SAMD5: variants seen among roughly 807,000 people sequenced by gnomAD.
The protein encoded by SAMD5 is sterile alpha motif domain-containing protein 5.
A neutral mutation model predicts 11.3 loss-of-function variants in SAMD5; 13 were observed. The ratio of observed to expected loss-of-function variants is 1.15; its 90% CI spans 0.75 to 1.83. The LOEUF (loss-of-function observed/expected upper bound fraction) is 1.83, where lower values mean the gene tolerates loss of function less well. SAMD5 is among the 40% of genes most tolerant of loss of function. SAMD5 has a pLI of 0.00. For synonymous variants in SAMD5, 129 were observed against 111.3 expected, an observed-to-expected ratio of 1.16 and a Z score of -1.00; for missense variants, 255 against 239.1, an observed-to-expected ratio of 1.07 and a Z score of -0.44.
chr6:147,916,684 C>T, the SAMD5 span, among the ~76,000 whole-genome samples: 1 of 151,056 alleles, frequency 6.6e-6, no homozygotes, highest in Non-Finnish European at 1.5e-5. Context: ...TTAGGTATAT[C>T]TCCTAAAGCT....
At chr6:147,797,561 A>G in the SAMD5 span, among the ~76,000 whole-genome samples, 1 of 96,194 alleles carries the variant, frequency 1.0e-5, no homozygotes, top group Non-Finnish European at 1.9e-5. Flanking sequence ...CGGCTTTGGT[A>G]TCAGAATGAT....
At chr6:147,914,813 T>A in the SAMD5 span, among the ~76,000 whole-genome samples, 2 of 152,080 alleles carry the variant, frequency 1.3e-5, no homozygotes, top group African/African-American at 4.8e-5. Flanking sequence ...AGATGTAATA[T>A]CATAAGAAAG....
chr6:147,847,613 G>A, the SAMD5 span, among the ~76,000 whole-genome samples: 1 of 152,152 alleles, frequency 6.6e-6, no homozygotes, highest in African/African-American at 2.4e-5. Flanking sequence ...AGCACTTTGG[G>A]AGGCTGAGGT....
chr6:147,832,401 G>A, the SAMD5 span, among the ~76,000 whole-genome samples: 1 of 152,066 alleles, frequency 6.6e-6, no homozygotes, highest in Non-Finnish European at 1.5e-5. Flanking sequence ...CTTTTTATGT[G>A]TACTTAACTC....
intron 1 of SAMD5, among the ~76,000 whole-genome samples, chr6:147,555,355 T>A (rs1788838724): frequency 6.6e-6 from 1 of 152,196 alleles, no homozygotes. Flanking sequence ...TATTTAGACT[T>A]GGGTATTTGG....
intron 1 of SAMD5, among the ~76,000 whole-genome samples, chr6:147,669,502 A>G (rs1327490440): frequency 7.4e-6 from 1 of 135,162 alleles, no homozygotes; most frequent in Non-Finnish European, 1.5e-5. Context: ...GTCTCGGCTC[A>G]CTGCAACCTC....
the SAMD5 span, among the ~76,000 whole-genome samples, chr6:147,782,264 A>G: frequency 2.5e-3 from 376 of 152,338 alleles, 1 homozygote; most frequent in African/African-American, 8.6e-3. Context: ...CACTTAGAGA[A>G]TATGACAAAG....
At chr6:147,791,463 A>G in the SAMD5 span, among the ~76,000 whole-genome samples, 1 of 152,136 alleles carries the variant, frequency 6.6e-6, no homozygotes, top group East Asian at 1.9e-4. Flanking sequence ...TACTGACCAT[A>G]GTGATATACG....
chr6:147,802,011 A>G, the SAMD5 span, among the ~76,000 whole-genome samples: 1 of 152,190 alleles, frequency 6.6e-6, no homozygotes, highest in Admixed American at 6.5e-5. Flanking sequence ...ACATGCAGAG[A>G]TTTCCTAGGG....
At chr6:147,756,068 A>G in the SAMD5 span, among the ~76,000 whole-genome samples, 1 of 152,118 alleles carries the variant, frequency 6.6e-6, no homozygotes, top group African/African-American at 2.4e-5. Context: ...GGAAAGAATC[A>G]AAAACCATTT....
chr6:147,823,228 T>G, the SAMD5 span, among the ~76,000 whole-genome samples: 1 of 152,220 alleles, frequency 6.6e-6, no homozygotes, highest in Non-Finnish European at 1.5e-5. Flanking sequence ...CTTTAACAAC[T>G]TAATATTTCT....
chr6:147,949,653 G>A, the SAMD5 span, among the ~76,000 whole-genome samples: 12,983 of 152,178 alleles, frequency 0.085, 626 homozygotes, highest in South Asian at 0.16. Context: ...ATTAAAAAAT[G>A]TCAGTCTAGT....
intron 1 of SAMD5, among the ~76,000 whole-genome samples, chr6:147,704,869 A>G (rs1458252863): frequency 2.6e-5 from 4 of 152,218 alleles, no homozygotes; most frequent in Admixed American, 2.6e-4. Context: ...TCCCCGAATC[A>G]TGTTACCAGT....
the SAMD5 span, among the ~76,000 whole-genome samples, chr6:147,780,364 C>A: frequency 6.6e-6 from 1 of 152,060 alleles, no homozygotes; most frequent in South Asian, 2.1e-4. Flanking sequence ...CCCGCCACCA[C>A]CCCTGGCTAA....
intron 1 of SAMD5, among the ~76,000 whole-genome samples, chr6:147,675,678 G>T (rs768482565): frequency 2.6e-5 from 4 of 152,150 alleles, no homozygotes; most frequent in African/African-American, 7.2e-5. Context: ...TGCTGTATTT[G>T]ATACAGTATT....
intron 1 of SAMD5, among the ~76,000 whole-genome samples, chr6:147,525,176 G>T (rs1364888209): frequency 6.6e-6 from 1 of 151,028 alleles, no homozygotes; most frequent in Admixed American, 6.6e-5. Context: ...AGACTTAGCC[G>T]CCTGTGCCCT....
chr6:147,717,667 G>A (rs959123319), intron 1 of SAMD5, among the ~76,000 whole-genome samples: 1 of 152,118 alleles, frequency 6.6e-6, no homozygotes, highest in Non-Finnish European at 1.5e-5. Flanking sequence ...GGCCAACATG[G>A]CGAAACCCTG....
chr6:147,568,622 C>T lies in SAMD5; in HGVS notation c.*4166C>T, dbSNP rs1789082286. ...CTGACATCTTGTGCTTACAGTAAAGCCATATAGATGCACACATAGTGACTT... is the reference window on the plus strand; with the variant it reads ...CTGACATCTTGTGCTTACAGTAAAGTCATATAGATGCACACATAGTGACTT... On this transcript the variant is annotated 3_prime_UTR_variant, in exon 2 of 2. Transcript: ENST00000367474. 3.0e-6 allele frequency: 3 copies of T among 985,078 alleles called. No individual in the cohort carries two copies. 61.0% of individuals were successfully genotyped at this position (985,078 alleles called of 1,614,324 possible).
the SAMD5 span, among the ~76,000 whole-genome samples, chr6:147,834,229 G>A: frequency 1.3e-5 from 2 of 152,096 alleles, no homozygotes; most frequent in African/African-American, 4.8e-5. Flanking sequence ...CATCTCATAT[G>A]AGTTATAGCA....
Sources: allele counts gnomAD v4.1 joint callset (sites outside exome capture counted in the v4.1 genomes callset), GRCh38; gene constraint gnomAD v4.1.1; transcripts MANE v1.5; gene names NCBI Gene and HGNC (gene_info 2026-07-23, HGNC 2026-07-21).